BANP: variants seen among roughly 807,000 people sequenced by gnomAD.
BANP encodes protein BANP.
In BANP, 11 loss-of-function variants were observed where a neutral mutation model predicts 68.1. That is an observed-to-expected ratio of 0.16 (90% CI 0.10 to 0.27). The LOEUF (loss-of-function observed/expected upper bound fraction) is 0.27. BANP is among the 10% of genes least tolerant of loss of function. The pLI, the probability that BANP is intolerant of heterozygous loss-of-function variation, is 1.00. For synonymous variants in BANP, 329 were observed against 303.2 expected (o/e 1.09, Z -0.88); for missense variants, 504 against 722.7 (o/e 0.70, Z 3.47).
intron 6 of BANP, among the ~76,000 whole-genome samples, chr16:88,010,605 C>G (rs961809973): frequency 6.6e-6 from 1 of 152,240 alleles, no homozygotes; most frequent in Non-Finnish European, 1.5e-5. Flanking sequence ...GAAATAAGAA[C>G]ATGTAGCCAC....
intron 11 of BANP, among the ~76,000 whole-genome samples, chr16:88,050,899 C>G: frequency 6.6e-6 from 1 of 152,120 alleles, no homozygotes; most frequent in Admixed American, 6.5e-5. Flanking sequence ...GTTGCACAGA[C>G]TGGTCTCAAA....
intron 1 of BANP, among the ~76,000 whole-genome samples, chr16:87,968,232 C>G (rs2060449306): frequency 6.6e-6 from 1 of 151,694 alleles, no homozygotes; most frequent in South Asian, 2.1e-4. Flanking sequence ...CCCTATAATC[C>G]CAGCACTTTG....
intron 11 of BANP, among the ~76,000 whole-genome samples, chr16:88,056,461 CTT>C (rs5818659): frequency 5.3e-4 from 64 of 119,686 alleles, no homozygotes; most frequent in Non-Finnish European, 7.5e-4. Flanking sequence ...TATTCTCTCT[CTT>C]TTTTTTTTTT....
At chr16:88,020,789 G>A (rs1190114931) in intron 7 of BANP, among the ~76,000 whole-genome samples, 8 of 152,176 alleles carry the variant, frequency 5.3e-5, no homozygotes, top group South Asian at 2.1e-4. Flanking sequence ...CCTTGGAGAC[G>A]GTGCCTTGGA....
At position 88,003,491 on chromosome 16, in the gene BANP, A is replaced by G. The variant is rs759367991; in HGVS notation, c.363-804A>G. 1.3e-5 allele frequency: 6 copies of G among 456,206 alleles called. No homozygotes were observed. The highest frequency in any genetic ancestry group is 4.0e-5 in the African/African-American group (2 of 50,078). The allele number at this position is 456,206 out of a possible 1,614,324, so 28.3% of individuals were successfully genotyped here. Reference sequence around the variant, plus strand: ...TTCTTTCTCTCCCCAGCCTTCCACAACAAAGCGGACCTTAGATATCCCTTG... The same window carrying G: ...TTCTTTCTCTCCCCAGCCTTCCACAGCAAAGCGGACCTTAGATATCCCTTG... On this transcript the variant is annotated intron_variant, in intron 4 of 13. Transcript: ENST00000682872. The surrounding 1 kb of genome is among the most constrained non-coding windows in gnomAD (Gnocchi z 6.1).
intron 9 of BANP, among the ~76,000 whole-genome samples, chr16:88,034,512 T>C (rs1249586777): frequency 6.6e-6 from 1 of 152,190 alleles, no homozygotes; most frequent in African/African-American, 2.4e-5. Flanking sequence ...ACTGAAACTG[T>C]CTAAATAGTC....
chr16:88,050,248 C>T (rs111407904), intron 11 of BANP, among the ~76,000 whole-genome samples: 3,004 of 152,290 alleles, frequency 0.02, 99 homozygotes, highest in African/African-American at 0.068. Context: ...CCTCTGCCTC[C>T]CGGGCTCAGG....
chr16:87,951,239 A>G (rs1421640207), upstream of BANP, among the ~76,000 whole-genome samples: 2 of 152,122 alleles, frequency 1.3e-5, no homozygotes, highest in Admixed American at 6.5e-5. Flanking sequence ...AAACGGGGGG[A>G]AAAAAGCCCT....
Position 88,018,680 on chromosome 16 carries a change from C to G in BANP, c.895+13C>G. The G allele has an allele frequency of 1.9e-6, 3 of 1,553,238 alleles. No individual in the cohort carries two copies. The highest frequency in any genetic ancestry group is 2.6e-6 in the Non-Finnish European group (3 of 1,147,896). On this transcript the variant is annotated intron_variant, in intron 7 of 13. Transcript: ENST00000682872. The surrounding 1 kb of genome is among the most constrained non-coding windows in gnomAD (Gnocchi z 7.7). ...TACGGCATCCGGTGTAAGTCGGGCC[C>G]CGCCTTGGGGGACTGGGGTGTGCGG...
upstream of BANP, chr16:87,951,347 T>TGCCCC (rs2056802190): frequency 6.6e-6 from 1 of 151,674 alleles, no homozygotes; most frequent in African/African-American, 2.4e-5. Flanking sequence ...GCCACAGGGG[T>TGCCCC]GCCCCGCCCC....
intron 1 of BANP, among the ~76,000 whole-genome samples, chr16:87,961,764 C>T (rs955532129): frequency 2.0e-5 from 3 of 152,126 alleles, no homozygotes; most frequent in Non-Finnish European, 4.4e-5. Flanking sequence ...GGGCTCAGCC[C>T]TCAGGAATGC....
chr16:88,022,003 G>GA (rs570044539), intron 7 of BANP, among the ~76,000 whole-genome samples: 387 of 152,304 alleles, frequency 2.5e-3, no homozygotes, highest in African/African-American at 8.7e-3. Context: ...AAGAGGGAGA[G>GA]AGAGAAATTT....
At chr16:87,983,052 C>A (rs1415636726) in intron 3 of BANP, among the ~76,000 whole-genome samples, 1 of 152,026 alleles carries the variant, frequency 6.6e-6, no homozygotes, top group Non-Finnish European at 1.5e-5. Context: ...CTCAGTGCCA[C>A]CCCTGCTGTC....
At chr16:88,034,613 G>GCC (rs1567823603) in intron 9 of BANP, among the ~76,000 whole-genome samples, 5 of 96,466 alleles carry the variant, frequency 5.2e-5, no homozygotes, top group Non-Finnish European at 1.1e-4. Flanking sequence ...CACACACTGC[G>GCC]TAGCCTCCCA....
At position 88,057,761 on chromosome 16, in the gene BANP, G is replaced by C. The variant is rs1337025868; in HGVS notation, c.1312-7506G>C. On this transcript the variant is annotated intron_variant, in intron 11 of 13. Coordinates refer to ENST00000682872, the MANE Select transcript of BANP (RefSeq NM_001386991.1). The surrounding 1 kb of genome is among the most constrained non-coding windows in gnomAD (Gnocchi z 4.6). Reference sequence around the variant, plus strand: ...GGGGCCATCTGGGTGGGGCGGGGGGGGGGGTGCGTGCAGTGACTCGCGCTG... The same window carrying C: ...GGGGCCATCTGGGTGGGGCGGGGGGCGGGGTGCGTGCAGTGACTCGCGCTG... Among the ~76,000 whole-genome samples the C allele has an allele frequency of 2.7e-5, 4 of 145,714 alleles. No individual in the cohort carries two copies. The highest frequency in any genetic ancestry group is 4.5e-4 in the East Asian group (2 of 4,490).
rs140242915 is a variant in BANP at position 87,984,191 on chromosome 16, C to T, written c.294C>T (p.Ser98=). Residue 98 remains serine (S), a synonymous_variant, in exon 4 of 14, where the codon AGC becomes AGT. Transcript: ENST00000682872. ...ATCTGGTCACGAACAAGCAGCACAG[C>T]CCCATCCAGGTCCCCATGGTGGCCG... The part of the protein sequence containing the change: ...KLDLVTNKQH[S]PIQVPMVAGS... The T allele has an allele frequency of 2.1e-5, 33 of 1,607,270 alleles. No individual in the cohort carries two copies. The African/African-American group carries it at 4.3e-4, about 21-fold the overall frequency.
intron 6 of BANP, among the ~76,000 whole-genome samples, chr16:88,017,885 A>G (rs1055219916): frequency 6.6e-6 from 1 of 152,204 alleles, no homozygotes; most frequent in South Asian, 2.1e-4. Context: ...TGCTGGCGTC[A>G]AGGGCATGCT....
chr16:87,991,642 C>T (rs8062157), intron 4 of BANP, among the ~76,000 whole-genome samples: 36,596 of 152,110 alleles, frequency 0.24, 4,891 homozygotes, highest in East Asian at 0.49. Flanking sequence ...GTACTTCATA[C>T]TTACAGATGC....
At chr16:87,985,908 GAC>G (rs2064296206) in intron 4 of BANP, among the ~76,000 whole-genome samples, 1 of 152,234 alleles carries the variant, frequency 6.6e-6, no homozygotes, top group South Asian at 2.1e-4. Context: ...GTCATAGTAA[GAC>G]TGTGCAAAAA....
Sources: gnomAD v4.1 joint callset for allele counts (sites outside exome capture counted in the v4.1 genomes callset) on GRCh38, gnomAD v4.1.1 for gene constraint, Gnocchi (gnomAD v3.1) non-coding constraint, MANE v1.5 for transcripts, NCBI Gene and HGNC (gene_info 2026-07-23, HGNC 2026-07-21) for gene names.